The following LRCH2 variants were observed in gnomAD, a reference collection of about 807,000 sequenced individuals.
The protein encoded by LRCH2 is leucine rich repeats and calponin homology domain containing 2.
In LRCH2, 38 loss-of-function variants were observed where a neutral mutation model predicts 68.9. The observed-to-expected ratio is 0.55, with a 90% CI of 0.43 to 0.72. The LOEUF (loss-of-function observed/expected upper bound fraction) is 0.72. Ranked by LOEUF, LRCH2 falls within the 30% of genes least tolerant of loss-of-function variation. LRCH2 has a pLI of 0.00. For missense variants in LRCH2, 528 were observed against 572.9 expected, an observed-to-expected ratio of 0.92 and a Z score of 0.80; for synonymous variants, 191 against 208.1, an observed-to-expected ratio of 0.92 and a Z score of 0.71.
At chrX:115,191,769 A>G in intron 1 of LRCH2, 1 of 1,153,532 alleles carries the variant, frequency 8.7e-7, no homozygotes, top group Non-Finnish European at 1.2e-6. Flanking sequence ...ACGGAGGAGG[A>G]GGCCGCTACG....
intron 3 of LRCH2, among the ~76,000 whole-genome samples, chrX:115,180,607 C>T (rs953135047): frequency 1.8e-5 from 2 of 111,409 alleles, no homozygotes; most frequent in Non-Finnish European, 3.8e-5. Context: ...TATTCTAATG[C>T]AACTGCCCCC....
At chrX:115,127,573 G>A (rs1249161554) in intron 15 of LRCH2, among the ~76,000 whole-genome samples, 1 of 111,067 alleles carries the variant, frequency 9.0e-6, no homozygotes, top group Non-Finnish European at 1.9e-5. Flanking sequence ...AATGTATACA[G>A]GTAATACAAC....
intron 5 of LRCH2, among the ~76,000 whole-genome samples, chrX:115,178,530 G>A (rs2072668098): frequency 9.0e-6 from 1 of 111,188 alleles, no homozygotes; most frequent in Non-Finnish European, 1.9e-5. Context: ...TATATTCAGA[G>A]TTACATGTTT....
At chrX:115,158,149 A>G (rs1156979320) in intron 11 of LRCH2, among the ~76,000 whole-genome samples, 1 of 111,753 alleles carries the variant, frequency 8.9e-6, no homozygotes, top group African/African-American at 3.2e-5. Flanking sequence ...AGCTATGTCA[A>G]CCTGGCCCCA....
intron 1 of LRCH2, among the ~76,000 whole-genome samples, chrX:115,233,347 G>A (rs782321658): frequency 7.9e-4 from 88 of 111,888 alleles, no homozygotes; most frequent in Non-Finnish European, 1.1e-3. Context: ...GGTTGGGTTT[G>A]GTTTTCCGGG....
chrX:115,126,862 T>A lies in LRCH2; in HGVS notation c.1772A>T (p.Gln591Leu). The A allele has an allele frequency of 9.2e-7, 1 of 1,089,635 alleles. No homozygotes were observed. Among genetic ancestry groups the A allele is most frequent in the Non-Finnish European group, 1.2e-6 (1 of 832,521 alleles). The allele number at this position is 1,089,635 out of a possible 1,213,427, so 89.8% of individuals were successfully genotyped here. The change falls in exon 16 of 21, where the codon CAA becomes CTA. Residue 591 changes from glutamine (Q) to leucine (L), a missense_variant. By Grantham distance (113) the Gln-to-Leu change is moderately radical. Transcript: ENST00000317135. ...QDSDNANMSTQSPVSSEEYDR... is the reference protein window; with the variant it reads ...QDSDNANMSTLSPVSSEEYDR... ...TTGTACCTCAGATGATACTGGAGAT[T>A]GTGTTGACATATTAGCATTATCACT...
intron 20 of LRCH2, among the ~76,000 whole-genome samples, chrX:115,117,396 G>A (rs2072091886): frequency 1.8e-5 from 2 of 111,619 alleles, no homozygotes; most frequent in Non-Finnish European, 3.8e-5. Flanking sequence ...TTCTTAAAAT[G>A]TTAAGTATGC....
intron 11 of LRCH2, among the ~76,000 whole-genome samples, chrX:115,162,466 A>T (rs1287765905): frequency 8.9e-6 from 1 of 112,128 alleles, no homozygotes; most frequent in Non-Finnish European, 1.9e-5. Flanking sequence ...GGAAAAGTTG[A>T]AAAGATAAAC....
At chrX:115,187,362 T>C (rs1311699456) in intron 2 of LRCH2, among the ~76,000 whole-genome samples, 1 of 112,283 alleles carries the variant, frequency 8.9e-6, no homozygotes, top group Admixed American at 9.4e-5. Context: ...ATTCTAAAAT[T>C]AAGTCACAAT....
intron 14 of LRCH2, among the ~76,000 whole-genome samples, chrX:115,140,990 T>C (rs947512937): frequency 6.4e-5 from 7 of 109,562 alleles, no homozygotes; most frequent in African/African-American, 2.3e-4. Flanking sequence ...TCCAGCACTT[T>C]GGGAGGCCGA....
At chrX:115,195,644 G>A (rs1420277223) in intron 1 of LRCH2, among the ~76,000 whole-genome samples, 1 of 111,486 alleles carries the variant, frequency 9.0e-6, no homozygotes, top group Non-Finnish European at 1.9e-5. Context: ...AACAGAAAAA[G>A]TGAAAGGAAA....
chrX:115,116,094 T>C (rs781881138), intron 20 of LRCH2, among the ~76,000 whole-genome samples: 2 of 111,422 alleles, frequency 1.8e-5, no homozygotes, highest in Admixed American at 9.6e-5. Context: ...CCCTCATATA[T>C]TGCTGGTGGA....
At chrX:115,212,437 A>G (rs2073014112) in intron 1 of LRCH2, among the ~76,000 whole-genome samples, 1 of 112,061 alleles carries the variant, frequency 8.9e-6, no homozygotes, top group Non-Finnish European at 1.9e-5. Flanking sequence ...CTTTGGAGAG[A>G]AATACTATCT....
At chrX:115,151,723 C>T (rs2072433329) in intron 12 of LRCH2, among the ~76,000 whole-genome samples, 1 of 111,351 alleles carries the variant, frequency 9.0e-6, no homozygotes, top group African/African-American at 3.3e-5. Context: ...TAAAATTATG[C>T]CTTCCATGAC....
At chrX:115,203,838 G>T (rs1556567041) in intron 1 of LRCH2, among the ~76,000 whole-genome samples, 1 of 111,230 alleles carries the variant, frequency 9.0e-6, no homozygotes, top group African/African-American at 3.3e-5. Context: ...GGTACAAACT[G>T]TCAGTCTAGA....
chrX:115,113,264 C>T lies in LRCH2; in HGVS notation c.2250G>A (p.Ala750=), dbSNP rs1556523225. ...CCTTGGTTGTTGGTAATTCAAGGAG[C>T]GCCTGAACTGTGACACCAACTTTCA... is the stretch of plus-strand genomic sequence containing the variant. ...GLVKVGVTVQ[A]LLELPTTKAS... is the part of the protein sequence containing the mutation. Residue 750 remains alanine, a synonymous_variant, in exon 21 of 21, where the codon GCG becomes GCA. Transcript: ENST00000317135. The T allele has an allele frequency of 2.5e-6, 3 of 1,196,284 alleles. No individual in the cohort carries two copies. The highest frequency in any genetic ancestry group is 3.0e-5 in the East Asian group (1 of 33,595).
chrX:115,116,038 G>T (rs2072079426), intron 20 of LRCH2, among the ~76,000 whole-genome samples: 1 of 110,795 alleles, frequency 9.0e-6, no homozygotes, highest in African/African-American at 3.3e-5. Flanking sequence ...AACCAAAAAG[G>T]TAGACAGTAG....
At chrX:115,218,077 C>T (rs2073053579) in intron 1 of LRCH2, among the ~76,000 whole-genome samples, 1 of 111,049 alleles carries the variant, frequency 9.0e-6, no homozygotes, top group South Asian at 3.8e-4. Context: ...GATGGGGTTG[C>T]AGTGAGCCAA....
chrX:115,195,586 T>C (rs2072881474), intron 1 of LRCH2, among the ~76,000 whole-genome samples: 1 of 111,227 alleles, frequency 9.0e-6, no homozygotes, highest in African/African-American at 3.3e-5. Flanking sequence ...AAGTGGTATG[T>C]AGACAATCAC....
Sources: allele counts gnomAD v4.1 joint callset (sites outside exome capture counted in the v4.1 genomes callset), GRCh38; gene constraint gnomAD v4.1.1; transcripts MANE v1.5; gene names NCBI Gene and HGNC (gene_info 2026-07-23, HGNC 2026-07-21).